The following KIAA1217 variants were observed in gnomAD, a reference collection of about 807,000 sequenced individuals.
KIAA1217 encodes sickle tail protein homolog.
In KIAA1217, 88 loss-of-function variants were observed where a neutral mutation model predicts 163.9. The ratio of observed to expected loss-of-function variants is 0.54; its 90% CI spans 0.45 to 0.64. The LOEUF (loss-of-function observed/expected upper bound fraction) is 0.64. Ranked by LOEUF, KIAA1217 falls within the 30% of genes least tolerant of loss-of-function variation. The pLI is 0.00. For synonymous variants in KIAA1217, 903 were observed against 923.1 expected (o/e 0.98, Z 0.39); for missense variants, 2,372 against 2,475.0 (o/e 0.96, Z 0.88).
intron 1 of KIAA1217, among the ~76,000 whole-genome samples, chr10:23,820,093 G>T (rs1226797038): frequency 3.3e-5 from 5 of 152,146 alleles, no homozygotes; most frequent in Admixed American, 1.3e-4. Context: ...ATTACGTAGG[G>T]TATGTGTGTA....
chr10:24,053,275 T>C lies in KIAA1217; in HGVS notation c.-171+45901T>C, dbSNP rs191294956. 7.0e-4 allele frequency among the ~76,000 whole-genome samples: 106 copies of C among 152,270 alleles called. No homozygotes were observed. In the East Asian group the frequency reaches 0.013, roughly 19 times the overall value. On this transcript the variant is annotated intron_variant, in intron 2 of 18. Coordinates refer to the KIAA1217 transcript ENST00000376462. Reference sequence around the variant, plus strand: ...ATCTCTCAGGAACACAGATAACTTTTGTTATATTTTGTATTTCTGGGTAAT... The same window carrying C: ...ATCTCTCAGGAACACAGATAACTTTCGTTATATTTTGTATTTCTGGGTAAT...
chr10:24,317,579 G>A (rs1411307848), intron 2 of KIAA1217, among the ~76,000 whole-genome samples: 1 of 152,178 alleles, frequency 6.6e-6, no homozygotes, highest in South Asian at 2.1e-4. Flanking sequence ...TCTAAGAAAT[G>A]TAGTGTGGAA....
intron 6 of KIAA1217, among the ~76,000 whole-genome samples, chr10:24,475,870 T>A (rs1321369986): frequency 1.3e-5 from 2 of 152,186 alleles, no homozygotes; most frequent in Non-Finnish European, 2.9e-5. Context: ...TGGCAGGCTT[T>A]GAGGTGCTGG....
At chr10:24,088,875 C>T (rs1227190353) in intron 2 of KIAA1217, among the ~76,000 whole-genome samples, 1 of 124,938 alleles carries the variant, frequency 8.0e-6, no homozygotes, top group Non-Finnish European at 2.0e-5. Flanking sequence ...GCCACACTGA[C>T]TTCCACAATG....
At chr10:24,037,273 C>A (rs1447804386) in intron 2 of KIAA1217, among the ~76,000 whole-genome samples, 4 of 151,954 alleles carry the variant, frequency 2.6e-5, no homozygotes, top group Non-Finnish European at 2.9e-5. Flanking sequence ...CAAGACTGGC[C>A]TGGCCAACTT....
In KIAA1217 at chr10:24,437,011, G is replaced by A. The variant is rs902168653; in HGVS notation, c.753-1375G>A. 6.6e-5 allele frequency among the ~76,000 whole-genome samples: 10 copies of A among 152,260 alleles called. 2 individuals carry two copies. Among genetic ancestry groups the A allele is most frequent in the Admixed American group, 2.0e-4 (3 of 15,282 alleles). ...TGTTGTAAATGTTGCCACAGTAAAT[G>A]CAACCCCGGCCTTTACTGTTGGTTC... On this transcript the variant is annotated intron_variant, in intron 4 of 20. Coordinates refer to ENST00000376454, the MANE Select transcript of KIAA1217 (RefSeq NM_019590.5).
chr10:23,932,007 T>A (rs1843272562), intron 1 of KIAA1217, among the ~76,000 whole-genome samples: 1 of 152,010 alleles, frequency 6.6e-6, no homozygotes, highest in African/African-American at 2.4e-5. Flanking sequence ...AGTTGGTAAA[T>A]GAAACAACCA....
At chr10:23,745,332 ACT>A (rs1659153785) in intron 1 of KIAA1217, among the ~76,000 whole-genome samples, 2 of 152,146 alleles carry the variant, frequency 1.3e-5, no homozygotes, top group African/African-American at 4.8e-5. Flanking sequence ...ATTATATGAC[ACT>A]CTAGTTATTT....
intron 1 of KIAA1217, among the ~76,000 whole-genome samples, chr10:23,772,929 A>C (rs560190808): frequency 6.6e-6 from 1 of 152,132 alleles, no homozygotes; most frequent in Non-Finnish European, 1.5e-5. Flanking sequence ...TCATTTCCTC[A>C]TATTTTGAAT....
At chr10:23,988,989 T>C (rs537521852) in intron 1 of KIAA1217, among the ~76,000 whole-genome samples, 27 of 152,334 alleles carry the variant, frequency 1.8e-4, no homozygotes, top group African/African-American at 6.3e-4. Context: ...AAAACACCGA[T>C]TTGCTGATGT....
chr10:24,361,412 T>G (rs533684671), intron 2 of KIAA1217, among the ~76,000 whole-genome samples: 162 of 152,258 alleles, frequency 1.1e-3, no homozygotes, highest in African/African-American at 3.7e-3. Context: ...GGCCTTGAGC[T>G]CCTAGGCTCA....
chr10:23,891,675 T>C (rs58306978), intron 1 of KIAA1217, among the ~76,000 whole-genome samples: 2,953 of 152,084 alleles, frequency 0.019, 99 homozygotes, highest in African/African-American at 0.064. Flanking sequence ...GCTTAGAAAT[T>C]ATTGATTTTT....
chr10:23,704,172 G>GTGTGTGTGTGTGTA (rs1229370789), intron 1 of KIAA1217, among the ~76,000 whole-genome samples: 3 of 39,948 alleles, frequency 7.5e-5, no homozygotes, highest in African/African-American at 2.7e-4. Context: ...GTGTGTGTGT[G>GTGTGTGTGTGTGTA]TATATATATA....
chr10:24,029,825 T>C (rs1308962279), intron 2 of KIAA1217, among the ~76,000 whole-genome samples: 5 of 152,124 alleles, frequency 3.3e-5, no homozygotes, highest in African/African-American at 1.2e-4. Context: ...GAGAGAAGTT[T>C]TAAGTTCCCT....
chr10:24,386,729 A>G (rs959171678), intron 3 of KIAA1217, among the ~76,000 whole-genome samples: 1 of 152,016 alleles, frequency 6.6e-6, no homozygotes, highest in Non-Finnish European at 1.5e-5. Context: ...GCACACCACC[A>G]TGCCCAGCTA....
chr10:23,927,999 C>A (rs533058314), intron 1 of KIAA1217, among the ~76,000 whole-genome samples: 1 of 152,272 alleles, frequency 6.6e-6, no homozygotes, highest in East Asian at 1.9e-4. Flanking sequence ...ACTCGTCCAC[C>A]CAGCAGACCA....
At chr10:24,176,790 G>A (rs369456185) in intron 2 of KIAA1217, among the ~76,000 whole-genome samples, 11 of 152,324 alleles carry the variant, frequency 7.2e-5, no homozygotes, top group South Asian at 4.1e-4. Context: ...GGCGCCCATC[G>A]GGGAGGCTCA....
chr10:23,949,391 CAA>C (rs915115157), intron 1 of KIAA1217, among the ~76,000 whole-genome samples: 1 of 151,922 alleles, frequency 6.6e-6, no homozygotes, highest in Admixed American at 6.6e-5. Context: ...TGTTACTTCT[CAA>C]AGTTATTTAT....
At chr10:24,316,736 T>A (rs557176359) in intron 2 of KIAA1217, among the ~76,000 whole-genome samples, 2 of 142,948 alleles carry the variant, frequency 1.4e-5, no homozygotes, top group South Asian at 4.2e-4. Context: ...TGTCACCATT[T>A]GTATCTATCA....
Sources: allele counts gnomAD v4.1 joint callset (sites outside exome capture counted in the v4.1 genomes callset), GRCh38; gene constraint gnomAD v4.1.1; transcripts MANE v1.5; gene names NCBI Gene and HGNC (gene_info 2026-07-23, HGNC 2026-07-21).